NRCAM: variants seen among roughly 807,000 people sequenced by gnomAD.
The protein encoded by NRCAM is NgCAM-related cell adhesion molecule.
NRCAM carries 83 observed loss-of-function variants against 156.5 expected under a neutral mutation model. The ratio of observed to expected loss-of-function variants is 0.53; its 90% CI spans 0.44 to 0.64. NRCAM has a LOEUF of 0.64. Among genes scored for constraint, NRCAM ranks in the 30% least tolerant of loss-of-function variants. The pLI, the probability that NRCAM is intolerant of heterozygous loss-of-function variation, is 0.00. For synonymous variants in NRCAM, 538 were observed against 563.9 expected, an observed-to-expected ratio of 0.95 and a Z score of 0.65; for missense variants, 1,417 against 1,597.3, an observed-to-expected ratio of 0.89 and a Z score of 1.92.
intron 3 of NRCAM, among the ~76,000 whole-genome samples, chr7:108,304,693 A>C (rs1265034105): frequency 1.3e-5 from 2 of 152,180 alleles, no homozygotes; most frequent in African/African-American, 2.4e-5. Flanking sequence ...GTTCAACTAT[A>C]AACAATGTTC....
intron 1 of NRCAM, among the ~76,000 whole-genome samples, chr7:108,408,207 T>C (rs1790890458): frequency 6.6e-6 from 1 of 152,242 alleles, no homozygotes; most frequent in African/African-American, 2.4e-5. Context: ...TATCGTGTAC[T>C]AGGTACTATG....
intron 3 of NRCAM, among the ~76,000 whole-genome samples, chr7:108,258,827 G>C (rs1283303174): frequency 1.3e-5 from 2 of 152,154 alleles, no homozygotes; most frequent in Non-Finnish European, 2.9e-5. Flanking sequence ...TCTCGACCCA[G>C]TCTGCTTTCT....
At position 108,340,652 on chromosome 7, in the gene NRCAM, C is replaced by T. The variant is rs973242596; in HGVS notation, c.-173-27921G>A. On this transcript the variant is annotated intron_variant, in intron 2 of 32. Coordinates refer to ENST00000379028, the MANE Select transcript of NRCAM (RefSeq NM_001037132.4). ...GATTGGTGCCGCAGACATTTGCTAA[C>T]TTGCATGCTAGAAGGACTAAGGAAA... is the stretch of plus-strand genomic sequence containing the variant. Among the ~76,000 whole-genome samples the T allele has an allele frequency of 2.0e-5, 3 of 152,130 alleles. No homozygotes were observed. The South Asian group carries it at 6.2e-4, about 32-fold the overall frequency.
At chr7:108,373,599 G>C (rs1476099111) in intron 2 of NRCAM, among the ~76,000 whole-genome samples, 1 of 152,202 alleles carries the variant, frequency 6.6e-6, no homozygotes, top group Admixed American at 6.5e-5. Context: ...AGTTATGGTT[G>C]TTAGCACACT....
chr7:108,364,664 T>A (rs895782083), intron 2 of NRCAM, among the ~76,000 whole-genome samples: 2 of 151,908 alleles, frequency 1.3e-5, no homozygotes, highest in African/African-American at 4.8e-5. Context: ...TACAATGACA[T>A]GTTATCTGGC....
chr7:108,157,118 T>C (rs2045982060), intron 32 of NRCAM, among the ~76,000 whole-genome samples: 1 of 152,136 alleles, frequency 6.6e-6, no homozygotes, highest in Non-Finnish European at 1.5e-5. Flanking sequence ...ATCATTGAGT[T>C]ATGTTTCAAG....
At chr7:108,187,668 G>A (rs888538426) in intron 20 of NRCAM, among the ~76,000 whole-genome samples, 1 of 152,078 alleles carries the variant, frequency 6.6e-6, no homozygotes, top group African/African-American at 2.4e-5. Flanking sequence ...AGTGCAAGAG[G>A]TGGCCGGGCG....
At chr7:108,424,922 A>C (rs10278718) in intron 1 of NRCAM, among the ~76,000 whole-genome samples, 16 of 152,096 alleles carry the variant, frequency 1.1e-4, no homozygotes, top group Non-Finnish European at 1.8e-4. Flanking sequence ...TTACTTCTGA[A>C]AGAATTAAGC....
intron 11 of NRCAM, among the ~76,000 whole-genome samples, chr7:108,219,435 G>A (rs547166582): frequency 1.4e-4 from 22 of 152,182 alleles, no homozygotes; most frequent in African/African-American, 5.1e-4. Flanking sequence ...GAGGAACATA[G>A]ATGCTAAAAT....
intron 3 of NRCAM, among the ~76,000 whole-genome samples, chr7:108,267,640 C>T (rs2097158274): frequency 6.6e-6 from 1 of 152,126 alleles, no homozygotes; most frequent in African/African-American, 2.4e-5. Context: ...AATTGGAACC[C>T]TGCATTTAAA....
At chr7:108,223,401 T>C (rs893775560) in intron 11 of NRCAM, among the ~76,000 whole-genome samples, 1 of 152,214 alleles carries the variant, frequency 6.6e-6, no homozygotes, top group African/African-American at 2.4e-5. Context: ...ATTATAATCA[T>C]AGCAGTCACA....
chr7:108,232,312 A>G lies in NRCAM; in HGVS notation c.427+14T>C. 1 of 1,580,350 alleles carries G rather than the reference A, an allele frequency of 6.3e-7. No homozygotes were observed. The highest frequency in any genetic ancestry group is 8.6e-7 in the Non-Finnish European group (1 of 1,164,332). ...TTTAAAAAGGGTCATGTTGGTTGAC[A>G]AGTTTCCACTTACTGGATGGGCGGA... On this transcript the variant is annotated intron_variant, in intron 7 of 32. Coordinates refer to ENST00000379028, the MANE Select transcript of NRCAM (RefSeq NM_001037132.4).
chr7:108,381,370 T>C (rs1595799763), intron 2 of NRCAM, among the ~76,000 whole-genome samples: 1 of 152,278 alleles, frequency 6.6e-6, no homozygotes, highest in South Asian at 2.1e-4. Context: ...AATCACATGG[T>C]AAACTGCATA....
intron 1 of NRCAM, among the ~76,000 whole-genome samples, chr7:108,445,435 G>A (rs1843148554): frequency 6.6e-6 from 1 of 152,088 alleles, no homozygotes; most frequent in Non-Finnish European, 1.5e-5. Flanking sequence ...ATTCAAAATC[G>A]AGTAGCCACA....
At chr7:108,300,499 A>G (rs1207954093) in intron 3 of NRCAM, among the ~76,000 whole-genome samples, 1 of 152,184 alleles carries the variant, frequency 6.6e-6, no homozygotes, top group Non-Finnish European at 1.5e-5. Flanking sequence ...TCCCTGGGTA[A>G]GTTGAGATCC....
At chr7:108,157,795 T>C (rs2284279) in intron 32 of NRCAM, among the ~76,000 whole-genome samples, 37,709 of 151,924 alleles carry the variant, frequency 0.25, 6,534 homozygotes, top group African/African-American at 0.5. Context: ...GTGAGTAGTA[T>C]GTTGCTAGAT....
intron 3 of NRCAM, among the ~76,000 whole-genome samples, chr7:108,264,939 C>T (rs551913724): frequency 6.6e-6 from 1 of 152,350 alleles, no homozygotes; most frequent in South Asian, 2.1e-4. Context: ...GGGTCTCCAA[C>T]CGGACAGAAA....
chr7:108,180,428 C>A lies in NRCAM; in HGVS notation c.2647-1G>T, dbSNP rs748173615. On this transcript the variant is annotated splice_acceptor_variant, in intron 24 of 32. Coordinates refer to ENST00000379028, the MANE Select transcript of NRCAM (RefSeq NM_001037132.4). LOFTEE classifies it high-confidence loss of function. ...AACTCTGGGTCTTCCAATAGTAAAT[C>A]TGAAACAGCAAGAACGAAAGTCAGG... The A allele has an allele frequency of 6.2e-7, 1 of 1,613,344 alleles. No individual in the cohort carries two copies. The highest frequency in any genetic ancestry group is 1.7e-5 in the Admixed American group (1 of 60,020).
intron 11 of NRCAM, among the ~76,000 whole-genome samples, chr7:108,212,989 G>A (rs1045106407): frequency 1.3e-5 from 2 of 152,148 alleles, no homozygotes; most frequent in African/African-American, 4.8e-5. Context: ...AAAGAGCTGT[G>A]AGACAAAAGC....
Sources: gnomAD v4.1 joint callset for allele counts (sites outside exome capture counted in the v4.1 genomes callset) on GRCh38, gnomAD v4.1.1 for gene constraint, MANE v1.5 for transcripts, NCBI Gene and HGNC (gene_info 2026-07-23, HGNC 2026-07-21) for gene names.